CELF2: variants seen among roughly 807,000 people sequenced by gnomAD.
The protein encoded by CELF2 is CUG triplet repeat RNA-binding protein 2.
CELF2 carries 8 observed loss-of-function variants against 62.6 expected under a neutral mutation model. That is an observed-to-expected ratio of 0.13 (90% CI 0.07 to 0.23). The LOEUF is 0.23. CELF2 is among the 10% of genes least tolerant of loss of function. The probability of loss-of-function intolerance (pLI) is 1.00; values close to 1 mark genes in which losing one functional copy is unlikely to be tolerated. For missense variants in CELF2, 333 were observed against 671.0 expected, an observed-to-expected ratio of 0.50 and a Z score of 5.56; for synonymous variants, 258 against 250.0, an observed-to-expected ratio of 1.03 and a Z score of -0.30.
chr10:11,172,217 A>G (rs557209566), intron 2 of CELF2, among the ~76,000 whole-genome samples: 2 of 150,344 alleles, frequency 1.3e-5, no homozygotes, highest in East Asian at 1.9e-4. Context: ...TCCTGAATTA[A>G]TGTTATGTTA....
intron 2 of CELF2, among the ~76,000 whole-genome samples, chr10:11,204,466 G>GAAAT (rs2059967581): frequency 2.0e-5 from 3 of 152,198 alleles, no homozygotes; most frequent in Admixed American, 6.5e-5. Context: ...GGAAGGGGGT[G>GAAAT]TGAAAATGCT....
Position 11,329,098 on chromosome 10 carries a change from G to A in CELF2, c.*45G>A. On this transcript the variant is annotated 3_prime_UTR_variant, in exon 13 of 13. Coordinates refer to ENST00000633077, the MANE Select transcript of CELF2 (RefSeq NM_001326342.2). The surrounding 1 kb of genome is among the most constrained non-coding windows in gnomAD (Gnocchi z 5.5). ...CTGCTCTCATTTTAGCTTTCTTAGG[G>A]TAAGTCCCACGAGCCAGCCTGTCTC... 1 of 1,562,152 alleles carries A rather than the reference G, an allele frequency of 6.4e-7. No individual in the cohort carries two copies. The highest frequency in any genetic ancestry group is 8.7e-7 in the Non-Finnish European group (1 of 1,145,428).
chr10:11,271,515 C>T (rs929215326), intron 7 of CELF2, among the ~76,000 whole-genome samples: 3 of 152,142 alleles, frequency 2.0e-5, no homozygotes, highest in Admixed American at 6.5e-5. Flanking sequence ...AGCTTGAGAG[C>T]GGCGTTTGTA....
intron 2 of CELF2, among the ~76,000 whole-genome samples, chr10:10,925,840 A>G (rs1374312172): frequency 1.3e-5 from 2 of 152,040 alleles, no homozygotes; most frequent in African/African-American, 4.8e-5. Context: ...ACCTTTCACA[A>G]CCCAACTTTC....
At chr10:11,320,012 TTTTCATA>T (rs2140924691) in intron 10 of CELF2, 1 of 361,416 alleles carries the variant, frequency 2.8e-6, no homozygotes, top group South Asian at 2.1e-5. Context: ...ATCCTTGCTG[TTTTCATA>T]TCTCCAATCA....
At chr10:11,188,879 TTTC>T (rs2075647622) in intron 2 of CELF2, among the ~76,000 whole-genome samples, 1 of 152,206 alleles carries the variant, frequency 6.6e-6, no homozygotes, top group African/African-American at 2.4e-5. Context: ...TCACTCATCT[TTTC>T]TTCAGTGTTT....
At chr10:11,272,822 G>A (rs995974285) in intron 7 of CELF2, among the ~76,000 whole-genome samples, 1 of 152,160 alleles carries the variant, frequency 6.6e-6, no homozygotes, top group African/African-American at 2.4e-5. Context: ...ATAATCCTGG[G>A]TGGTGGTTTA....
chr10:10,774,875 A>T, the CELF2 span, among the ~76,000 whole-genome samples: 1 of 135,280 alleles, frequency 7.4e-6, no homozygotes, highest in African/African-American at 2.9e-5. Context: ...TTTTATTTTT[A>T]TTTATTTATT....
the CELF2 span, among the ~76,000 whole-genome samples, chr10:10,666,010 T>C: frequency 6.6e-6 from 1 of 152,172 alleles, no homozygotes; most frequent in East Asian, 1.9e-4. Context: ...TCAGCAGGCT[T>C]CATCATTCTC....
chr10:11,212,271 C>G (rs149474878), intron 2 of CELF2, among the ~76,000 whole-genome samples: 8 of 152,282 alleles, frequency 5.3e-5, no homozygotes, highest in Admixed American at 1.3e-4. Context: ...CCATACCTGT[C>G]TCCTTCTCTC....
At chr10:10,473,682 G>A in the CELF2 span, among the ~76,000 whole-genome samples, 1 of 151,906 alleles carries the variant, frequency 6.6e-6, no homozygotes, top group African/African-American at 2.4e-5. Context: ...TTATGCCTAT[G>A]GTTAACCATT....
intron 2 of CELF2, chr10:10,960,404 T>TTA (rs1168706081): frequency 6.6e-6 from 1 of 152,226 alleles, no homozygotes; most frequent in Non-Finnish European, 1.5e-5. Flanking sequence ...TGTAGAAACA[T>TTA]TATACTGTTA....
chr10:10,722,575 C>G, the CELF2 span, among the ~76,000 whole-genome samples: 3 of 152,080 alleles, frequency 2.0e-5, no homozygotes, highest in Admixed American at 6.6e-5. Flanking sequence ...AGAGCCAAGC[C>G]CTTAAAACAA....
At chr10:11,294,639 G>A (rs574208511) in intron 9 of CELF2, among the ~76,000 whole-genome samples, 12 of 152,350 alleles carry the variant, frequency 7.9e-5, no homozygotes, top group Admixed American at 2.6e-4. Context: ...ACGGCCAGGC[G>A]CAGTGGCTCA....
chr10:10,821,339 A>C (rs1218552648), intron 1 of CELF2, among the ~76,000 whole-genome samples: 1 of 152,156 alleles, frequency 6.6e-6, no homozygotes, highest in African/African-American at 2.4e-5. Flanking sequence ...TGCTGGGTGC[A>C]TGTGTGTGGG....
chr10:10,548,340 T>C, the CELF2 span, among the ~76,000 whole-genome samples: 3 of 152,242 alleles, frequency 2.0e-5, no homozygotes, highest in Non-Finnish European at 4.4e-5. Context: ...AGTCATAGTC[T>C]CAGCTTCAAA....
At chr10:10,959,569 G>A (rs2049267259) in intron 2 of CELF2, among the ~76,000 whole-genome samples, 1 of 152,210 alleles carries the variant, frequency 6.6e-6, no homozygotes, top group Non-Finnish European at 1.5e-5. Flanking sequence ...GTCCACCATG[G>A]AAAACCAAAC....
intron 1 of CELF2, among the ~76,000 whole-genome samples, chr10:10,895,724 A>C (rs1196935907): frequency 6.6e-6 from 1 of 152,214 alleles, no homozygotes; most frequent in Non-Finnish European, 1.5e-5. Flanking sequence ...AACCAAAAAC[A>C]TGGGCAAAAT....
At chr10:10,647,536 C>T in the CELF2 span, among the ~76,000 whole-genome samples, 3 of 152,206 alleles carry the variant, frequency 2.0e-5, no homozygotes, top group Admixed American at 6.5e-5. Flanking sequence ...GATTACTCAT[C>T]AATAAATGAT....
Sources: allele counts gnomAD v4.1 joint callset (sites outside exome capture counted in the v4.1 genomes callset), GRCh38; gene constraint gnomAD v4.1.1; non-coding constraint Gnocchi (gnomAD v3.1); transcripts MANE v1.5; gene names NCBI Gene and HGNC (gene_info 2026-07-23, HGNC 2026-07-21).